Variants in RPS6KC1 observed in about 807,000 individuals in gnomAD.
RPS6KC1 encodes the protein inactive ribosomal protein S6 kinase delta-1.
RPS6KC1 carries 54 observed loss-of-function variants against 103.8 expected under a neutral mutation model. That is an observed-to-expected ratio of 0.52 (90% CI 0.42 to 0.65). RPS6KC1 has a LOEUF of 0.65. RPS6KC1 is among the 30% of genes least tolerant of loss of function. The probability of loss-of-function intolerance (pLI) is 0.00; values close to 1 mark genes in which losing one functional copy is unlikely to be tolerated. For synonymous variants in RPS6KC1, 439 were observed against 438.7 expected (o/e 1.00, Z -0.01); for missense variants, 1,151 against 1,253.8 (o/e 0.92, Z 1.24).
At chr1:213,504,701 T>G in the RPS6KC1 span, among the ~76,000 whole-genome samples, 335 of 152,352 alleles carry the variant, frequency 2.2e-3, 2 homozygotes, top group South Asian at 9.3e-3. Flanking sequence ...TTTTCTATTA[T>G]TTTGTATCAT....
chr1:213,556,021 T>G, the RPS6KC1 span, among the ~76,000 whole-genome samples: 2 of 152,216 alleles, frequency 1.3e-5, no homozygotes, highest in South Asian at 2.1e-4. Context: ...TTACATGAAG[T>G]CTTCACTGTT....
chr1:213,195,289 C>T (rs1181039211), intron 8 of RPS6KC1, among the ~76,000 whole-genome samples: 1 of 152,064 alleles, frequency 6.6e-6, no homozygotes, highest in East Asian at 1.9e-4. Flanking sequence ...ATACCAGTGT[C>T]AATTTTCTGC....
At chr1:213,651,409 G>A in the RPS6KC1 span, among the ~76,000 whole-genome samples, 19 of 152,240 alleles carry the variant, frequency 1.2e-4, no homozygotes, top group African/African-American at 3.4e-4. Context: ...ACTGTGTATC[G>A]GCCCCCACTG....
intron 3 of RPS6KC1, among the ~76,000 whole-genome samples, chr1:213,089,628 A>G (rs1458484358): frequency 6.6e-6 from 1 of 151,802 alleles, no homozygotes; most frequent in Non-Finnish European, 1.5e-5. Context: ...CACCTGGCTA[A>G]TTTTTGTATT....
chr1:213,626,901 C>T, the RPS6KC1 span, among the ~76,000 whole-genome samples: 1,461 of 152,150 alleles, frequency 9.6e-3, 18 homozygotes, highest in African/African-American at 0.033. Context: ...ATTGATTGGG[C>T]GATGCGGGCT....
intron 3 of RPS6KC1, among the ~76,000 whole-genome samples, chr1:213,101,585 G>A (rs1343361344): frequency 2.0e-5 from 3 of 152,012 alleles, no homozygotes; most frequent in Admixed American, 2.0e-4. Flanking sequence ...GTTTCAGATA[G>A]AAATAAGATC....
chr1:213,804,530 C>T, the RPS6KC1 span, among the ~76,000 whole-genome samples: 1 of 152,222 alleles, frequency 6.6e-6, no homozygotes, highest in South Asian at 2.1e-4. Context: ...GTGTCACTTT[C>T]TCAGTGCGGC....
At chr1:213,119,765 A>G (rs2084173646) in intron 5 of RPS6KC1, among the ~76,000 whole-genome samples, 1 of 152,112 alleles carries the variant, frequency 6.6e-6, no homozygotes, top group South Asian at 2.1e-4. Flanking sequence ...AGGGAGAAGC[A>G]TGATTATTAG....
At chr1:213,683,438 C>A in the RPS6KC1 span, among the ~76,000 whole-genome samples, 122 of 152,240 alleles carry the variant, frequency 8.0e-4, no homozygotes, top group African/African-American at 2.7e-3. Flanking sequence ...TATGAGAAAT[C>A]CCTATCTTGA....
chr1:213,854,550 TTCTTTCTTTCTTTCTC>T, the RPS6KC1 span, among the ~76,000 whole-genome samples: 34 of 105,328 alleles, frequency 3.2e-4, no homozygotes, highest in Admixed American at 1.2e-3. Flanking sequence ...CTTTCTTTCT[TTCTTTCTTTCTTTCTC>T]TCTCTCTCTC....
the RPS6KC1 span, among the ~76,000 whole-genome samples, chr1:213,648,965 A>G: frequency 6.6e-6 from 1 of 152,074 alleles, no homozygotes; most frequent in Admixed American, 6.6e-5. Flanking sequence ...CTCATAGAGG[A>G]AATTCACACT....
At chr1:213,100,518 A>G (rs1432781410) in intron 3 of RPS6KC1, among the ~76,000 whole-genome samples, 3 of 152,160 alleles carry the variant, frequency 2.0e-5, no homozygotes, top group Non-Finnish European at 4.4e-5. Flanking sequence ...TGGGCTTCAA[A>G]TGAACTTACC....
chr1:213,786,187 G>A, the RPS6KC1 span, among the ~76,000 whole-genome samples: 7 of 152,260 alleles, frequency 4.6e-5, no homozygotes, highest in South Asian at 2.1e-4. Context: ...GGAAGTTGGC[G>A]GGAGATGAGC....
At chr1:213,484,678 G>A in the RPS6KC1 span, among the ~76,000 whole-genome samples, 1 of 152,152 alleles carries the variant, frequency 6.6e-6, no homozygotes, top group Non-Finnish European at 1.5e-5. Flanking sequence ...CAAGAGGTGG[G>A]TGTCATGTAC....
chr1:213,199,923 T>C (rs2093094408), intron 8 of RPS6KC1, among the ~76,000 whole-genome samples: 2 of 152,158 alleles, frequency 1.3e-5, no homozygotes, highest in African/African-American at 4.8e-5. Flanking sequence ...GGGATAAAGC[T>C]AACTAGGGAG....
At chr1:213,566,267 A>T in the RPS6KC1 span, among the ~76,000 whole-genome samples, 1 of 152,000 alleles carries the variant, frequency 6.6e-6, no homozygotes, top group African/African-American at 2.4e-5. Context: ...CAGTCTAATA[A>T]TTATTCCTAT....
chr1:213,585,576 G>A, the RPS6KC1 span, among the ~76,000 whole-genome samples: 1 of 152,192 alleles, frequency 6.6e-6, no homozygotes, highest in Admixed American at 6.5e-5. Flanking sequence ...CAGCACCTGG[G>A]TGTGAATGTG....
intron 6 of RPS6KC1, among the ~76,000 whole-genome samples, chr1:213,158,114 G>A (rs1430606727): frequency 6.6e-6 from 1 of 151,734 alleles, no homozygotes; most frequent in Non-Finnish European, 1.5e-5. Flanking sequence ...TTTTAATCCA[G>A]TCTTAGAAAT....
the RPS6KC1 span, among the ~76,000 whole-genome samples, chr1:213,615,184 A>T: frequency 6.6e-6 from 1 of 152,226 alleles, no homozygotes; most frequent in South Asian, 2.1e-4. Flanking sequence ...ACACAATTTG[A>T]GAAACACTGC....
Sources: allele counts gnomAD v4.1 joint callset (sites outside exome capture counted in the v4.1 genomes callset), GRCh38; gene constraint gnomAD v4.1.1; transcripts MANE v1.5; gene names NCBI Gene and HGNC (gene_info 2026-07-23, HGNC 2026-07-21).